Variants in GMDS observed in about 807,000 individuals in gnomAD.
GMDS encodes GDP-mannose 4,6-dehydratase.
A neutral mutation model predicts 49.9 loss-of-function variants in GMDS; 20 were observed. The ratio of observed to expected loss-of-function variants is 0.40; its 90% CI spans 0.28 to 0.58. The LOEUF (loss-of-function observed/expected upper bound fraction) is 0.58, where lower values mean the gene tolerates loss of function less well. Among genes scored for constraint, GMDS ranks in the 20% least tolerant of loss-of-function variants. The pLI is 0.42. For synonymous variants in GMDS, 177 were observed against 178.6 expected (o/e 0.99, Z 0.07); for missense variants, 362 against 481.4 (o/e 0.75, Z 2.32).
chr6:2,104,228 C>T (rs1300621976), intron 4 of GMDS, among the ~76,000 whole-genome samples: 1 of 152,244 alleles, frequency 6.6e-6, no homozygotes, highest in Non-Finnish European at 1.5e-5. Flanking sequence ...AATCATCTTA[C>T]AGGAGTGGAT....
At chr6:1,695,984 C>T (rs931759066) in intron 9 of GMDS, among the ~76,000 whole-genome samples, 29 of 146,120 alleles carry the variant, frequency 2.0e-4, no homozygotes, top group African/African-American at 7.2e-4. Context: ...AGAGTGAGAG[C>T]ACCAAGTTGA....
intron 9 of GMDS, among the ~76,000 whole-genome samples, chr6:1,703,513 C>T (rs1185283960): frequency 1.3e-5 from 2 of 151,838 alleles, no homozygotes; most frequent in Non-Finnish European, 2.9e-5. Context: ...ACGGCTTTTT[C>T]TGTGCTGGGT....
chr6:1,953,611 C>A (rs1281374361), intron 6 of GMDS, among the ~76,000 whole-genome samples: 1 of 152,156 alleles, frequency 6.6e-6, no homozygotes, highest in Non-Finnish European at 1.5e-5. Flanking sequence ...TTAGCCCCAA[C>A]TGGTTACATT....
At chr6:2,177,405 T>G (rs1778332108) in intron 1 of GMDS, among the ~76,000 whole-genome samples, 2 of 152,058 alleles carry the variant, frequency 1.3e-5, no homozygotes, top group African/African-American at 2.4e-5. Flanking sequence ...AAATAAAACT[T>G]CAGGCCAATA....
intron 9 of GMDS, among the ~76,000 whole-genome samples, chr6:1,715,843 TC>T (rs1766156831): frequency 6.6e-6 from 1 of 152,256 alleles, no homozygotes; most frequent in Non-Finnish European, 1.5e-5. Flanking sequence ...TATAGTACTT[TC>T]TAATCCTCCA....
At chr6:1,881,454 C>T in intron 7 of GMDS, among the ~76,000 whole-genome samples, 1 of 152,050 alleles carries the variant, frequency 6.6e-6, no homozygotes, top group East Asian at 1.9e-4. Context: ...AAAAAAGGAG[C>T]TGAATATAGG....
At chr6:1,937,929 T>C (rs917878760) in intron 6 of GMDS, among the ~76,000 whole-genome samples, 11 of 151,938 alleles carry the variant, frequency 7.2e-5, no homozygotes, top group African/African-American at 2.4e-4. Context: ...TCCCAGCACA[T>C]TGGGAGGTGG....
chr6:2,091,972 G>T (rs1773344004), intron 4 of GMDS, among the ~76,000 whole-genome samples: 1 of 152,090 alleles, frequency 6.6e-6, no homozygotes, highest in Non-Finnish European at 1.5e-5. Flanking sequence ...CAAGGATAGG[G>T]CTATATGACC....
chr6:1,954,377 C>T (rs1763521467), intron 6 of GMDS, among the ~76,000 whole-genome samples: 1 of 152,204 alleles, frequency 6.6e-6, no homozygotes, highest in Non-Finnish European at 1.5e-5. Context: ...CGGCTGTGGC[C>T]ATTTCTTACA....
chr6:2,226,799 A>G (rs1780831862), intron 1 of GMDS, among the ~76,000 whole-genome samples: 1 of 152,236 alleles, frequency 6.6e-6, no homozygotes, highest in Non-Finnish European at 1.5e-5. Context: ...GGAGGTGCTA[A>G]GCTGGTTAAC....
chr6:2,103,200 G>T (rs544783120), intron 4 of GMDS, among the ~76,000 whole-genome samples: 5 of 152,248 alleles, frequency 3.3e-5, no homozygotes, highest in African/African-American at 1.2e-4. Context: ...AACCTCATTT[G>T]GGGGAAGCAG....
At chr6:2,197,931 T>C (rs1018257989) in intron 1 of GMDS, among the ~76,000 whole-genome samples, 4 of 152,224 alleles carry the variant, frequency 2.6e-5, no homozygotes, top group African/African-American at 9.6e-5. Context: ...CAGTGGAGGA[T>C]GCGTGCATTA....
At chr6:1,752,026 A>G (rs1470062129) in intron 7 of GMDS, among the ~76,000 whole-genome samples, 1 of 152,216 alleles carries the variant, frequency 6.6e-6, no homozygotes, top group Non-Finnish European at 1.5e-5. Context: ...AACTGGACAG[A>G]GAATGAGTTT....
At chr6:1,994,476 A>G (rs962438225) in intron 4 of GMDS, among the ~76,000 whole-genome samples, 1 of 152,198 alleles carries the variant, frequency 6.6e-6, no homozygotes, top group Middle Eastern at 3.2e-3. Flanking sequence ...ATAACCCTTC[A>G]GCAAACATTT....
At chr6:2,088,826 G>T (rs1212942372) in intron 4 of GMDS, among the ~76,000 whole-genome samples, 1 of 152,072 alleles carries the variant, frequency 6.6e-6, no homozygotes, top group East Asian at 1.9e-4. Flanking sequence ...GGGTATTGGG[G>T]ATACACTGAG....
intron 7 of GMDS, among the ~76,000 whole-genome samples, chr6:1,782,596 G>T (rs1251383600): frequency 6.6e-6 from 1 of 152,186 alleles, no homozygotes; most frequent in Admixed American, 6.5e-5. Context: ...AGAGACTTTG[G>T]ATAGACATGC....
chr6:1,851,944 A>C (rs1757693070), intron 7 of GMDS, among the ~76,000 whole-genome samples: 1 of 152,208 alleles, frequency 6.6e-6, no homozygotes, highest in Non-Finnish European at 1.5e-5. Flanking sequence ...TTCTGTGACC[A>C]TGGGTACTAA....
chr6:1,655,518 CAT>C lies in GMDS; in HGVS notation c.988-30980_988-30979del, dbSNP rs1554104526. On this transcript the variant is annotated intron_variant, in intron 9 of 10. Coordinates refer to ENST00000380815, the MANE Select transcript of GMDS (RefSeq NM_001500.4). ...ACATACACACACACACACACACACACATATTTTTTTTTTTTGAGACGGAGTCT... is the reference window on the plus strand; with the variant it reads ...ACATACACACACACACACACACACACATTTTTTTTTTTTGAGACGGAGTCT... Among the ~76,000 whole-genome samples the C allele has an allele frequency of 5.6e-4, 43 of 77,334 alleles. No individual in the cohort carries two copies. In the Middle Eastern group the frequency reaches 0.019, roughly 34 times the overall value. 50.7% of individuals were successfully genotyped at this position (77,334 alleles called of 152,430 possible). A position where few individuals can be genotyped will look rare whatever the true frequency, so the allele number is the denominator to read the frequency against.
At chr6:2,177,709 C>T (rs1289085043) in intron 1 of GMDS, among the ~76,000 whole-genome samples, 2 of 152,094 alleles carry the variant, frequency 1.3e-5, no homozygotes, top group Admixed American at 1.3e-4. Flanking sequence ...TAATAAGAAC[C>T]ATGTATGATC....
Sources: gnomAD v4.1 joint callset for allele counts (sites outside exome capture counted in the v4.1 genomes callset) on GRCh38, gnomAD v4.1.1 for gene constraint, MANE v1.5 for transcripts, NCBI Gene and HGNC (gene_info 2026-07-23, HGNC 2026-07-21) for gene names.